The following CRYBG1 variants were observed in gnomAD, a reference collection of about 807,000 sequenced individuals.
CRYBG1 encodes beta/gamma crystallin domain-containing protein 1.
Under a neutral mutation model 189.2 loss-of-function variants are expected in CRYBG1, and 139 were observed. The observed-to-expected ratio is 0.73, with a 90% CI of 0.64 to 0.85. The LOEUF (loss-of-function observed/expected upper bound fraction) is 0.85, where lower values mean the gene tolerates loss of function less well. Ranked by LOEUF, CRYBG1 falls within the 40% of genes least tolerant of loss-of-function variation. CRYBG1 has a pLI of 0.00. For missense variants in CRYBG1, 2,611 were observed against 2,675.8 expected (o/e 0.98, Z 0.53); for synonymous variants, 1,023 against 1,017.1 (o/e 1.01, Z -0.11).
intron 1 of CRYBG1, among the ~76,000 whole-genome samples, chr6:106,422,752 G>A (rs1486469954): frequency 6.6e-6 from 1 of 152,216 alleles, no homozygotes; most frequent in East Asian, 1.9e-4. Flanking sequence ...TTTGGGGGAT[G>A]TTGAAAGATG....
chr6:106,381,807 G>A (rs1281969002), intron 1 of CRYBG1, among the ~76,000 whole-genome samples: 1 of 152,204 alleles, frequency 6.6e-6, no homozygotes, highest in Non-Finnish European at 1.5e-5. Flanking sequence ...GTGTGCTCCT[G>A]CTAGCCAGAA....
In CRYBG1 at chr6:106,512,514, A is replaced by C. The variant is rs771126437; in HGVS notation, c.1397A>C (p.Lys466Thr). ...AGCGATAACGCCTCGGCGGAAAAGA[A>C]AGTGAAATCTCCGCGGGCAGCCCTC... ...AASDNASAEK[K>T]VKSPRAALDG... Residue 466 changes from lysine (K) to threonine (T), a missense_variant, in exon 3 of 22, where the codon AAA becomes ACA. Coordinates refer to ENST00000633556, the MANE Select transcript of CRYBG1 (RefSeq NM_001371242.2). The C allele has an allele frequency of 3.1e-6, 5 of 1,610,818 alleles. No homozygotes were observed. The East Asian group carries it at 1.1e-4, about 36-fold the overall frequency.
In CRYBG1 at chr6:106,377,621, T is replaced by TTATATATATATA. The variant is rs373644273; in HGVS notation, c.173+16556_173+16567dup. ...TGTGTAACTCATAAGTCCTAAGGTT[T>TTATATATATATA]TATATATATATATATATATATATAT... On this transcript the variant is annotated intron_variant, in intron 1 of 21. Coordinates refer to ENST00000633556, the MANE Select transcript of CRYBG1 (RefSeq NM_001371242.2). Among the ~76,000 whole-genome samples the TTATATATATATA allele has an allele frequency of 1.1e-3, 78 of 69,494 alleles. 4 individuals carry two copies. Among genetic ancestry groups the TTATATATATATA allele is most frequent in the East Asian group, 7.0e-3 (18 of 2,586 alleles). 45.6% of individuals were successfully genotyped at this position (69,494 alleles called of 152,430 possible).
chr6:106,424,365 T>C (rs1771188042), intron 1 of CRYBG1, among the ~76,000 whole-genome samples: 1 of 152,230 alleles, frequency 6.6e-6, no homozygotes, highest in African/African-American at 2.4e-5. Flanking sequence ...AAGACCATTT[T>C]ACTTACATGA....
intron 2 of CRYBG1, among the ~76,000 whole-genome samples, chr6:106,497,638 G>C (rs962421128): frequency 6.6e-6 from 1 of 152,266 alleles, no homozygotes; most frequent in Admixed American, 6.5e-5. Flanking sequence ...AGAAGAGAAA[G>C]AGCACAAACA....
At chr6:106,416,396 G>A (rs554890328) in intron 1 of CRYBG1, among the ~76,000 whole-genome samples, 78 of 152,320 alleles carry the variant, frequency 5.1e-4, no homozygotes, top group Non-Finnish European at 9.8e-4. Flanking sequence ...CCCTATCGGA[G>A]ACGGGAGACA....
At chr6:106,434,975 T>A (rs58558950) in intron 1 of CRYBG1, among the ~76,000 whole-genome samples, 5,032 of 152,196 alleles carry the variant, frequency 0.033, 274 homozygotes, top group African/African-American at 0.12. Context: ...AAATGAAGAG[T>A]TACAGATCAC....
rs1173838509 is a variant in CRYBG1, at chr6:106,527,322, A to T, written c.4430A>T (p.Gln1477Leu). The change falls in exon 7 of 22, where the codon CAA becomes CTA. Residue 1477 changes from glutamine to leucine, a missense_variant. By Grantham distance (113) the Gln-to-Leu change is moderately radical. Transcript: ENST00000633556. ...ATTGTTAGTTGGATTTTGTATGAGC[A>T]ACCAAATTTTGAAGGGCACTCCATC... ...VVRGCWILYE[Q>L]PNFEGHSIPL... The T allele has an allele frequency of 1.2e-6, 2 of 1,611,628 alleles. No homozygotes were observed. The highest frequency in any genetic ancestry group is 4.5e-5 in the East Asian group (2 of 44,792).
intron 2 of CRYBG1, among the ~76,000 whole-genome samples, chr6:106,494,020 C>A (rs1215469402): frequency 6.6e-6 from 1 of 152,026 alleles, no homozygotes; most frequent in Non-Finnish European, 1.5e-5. Context: ...TATTATTCAG[C>A]CATAAAAAGA....
At position 106,521,467 on chromosome 6, in the gene CRYBG1, T is replaced by G; in HGVS notation, c.4245+14T>G. 2 of 1,542,916 alleles carry G rather than the reference T, an allele frequency of 1.3e-6. No individual in the cohort carries two copies. The highest frequency in any genetic ancestry group is 1.7e-6 in the Non-Finnish European group (2 of 1,148,966). ...TCAGACACAATGGTAAGTAGCAATGTGTTATTATTTATTTGGGGTATTTTT... is the reference window on the plus strand; with the variant it reads ...TCAGACACAATGGTAAGTAGCAATGGGTTATTATTTATTTGGGGTATTTTT... On this transcript the variant is annotated intron_variant, in intron 4 of 21. Transcript: ENST00000633556.
intron 1 of CRYBG1, among the ~76,000 whole-genome samples, chr6:106,416,896 C>G (rs1771031159): frequency 6.7e-6 from 1 of 150,162 alleles, no homozygotes; most frequent in Non-Finnish European, 1.5e-5. Flanking sequence ...CTAGGTGTGA[C>G]ATTATGGGGA....
At chr6:106,547,936 GT>G (rs1337125909) in intron 13 of CRYBG1, among the ~76,000 whole-genome samples, 1 of 152,208 alleles carries the variant, frequency 6.6e-6, no homozygotes, top group Non-Finnish European at 1.5e-5. Flanking sequence ...AACTGGGCTA[GT>G]TTTTTAAAAC....
At chr6:106,400,944 G>A (rs1770709002) in intron 1 of CRYBG1, among the ~76,000 whole-genome samples, 1 of 152,200 alleles carries the variant, frequency 6.6e-6, no homozygotes, top group Non-Finnish European at 1.5e-5. Context: ...AGCAATGAAA[G>A]TGCACGGGCT....
intron 1 of CRYBG1, among the ~76,000 whole-genome samples, chr6:106,432,840 CTT>C (rs5878888): frequency 4.7e-5 from 6 of 128,864 alleles, no homozygotes; most frequent in Admixed American, 1.6e-4. Flanking sequence ...TCTTTTCTTT[CTT>C]TTTTTTTTTT....
At chr6:106,482,593 G>T (rs548820920) in intron 2 of CRYBG1, among the ~76,000 whole-genome samples, 1 of 152,136 alleles carries the variant, frequency 6.6e-6, no homozygotes, top group South Asian at 2.1e-4. Context: ...GGCTAACACC[G>T]TGAAACCCCG....
chr6:106,553,591 G>A, intron 16 of CRYBG1, 24 bp downstream of exon 16: 1 of 1,439,648 alleles, frequency 6.9e-7, no homozygotes, highest in Non-Finnish European at 9.8e-7. Flanking sequence ...AGGCCTGGCA[G>A]AGCTGAATCA....
intron 1 of CRYBG1, among the ~76,000 whole-genome samples, chr6:106,390,180 G>T (rs1014657201): frequency 2.6e-5 from 4 of 152,066 alleles, no homozygotes; most frequent in African/African-American, 9.7e-5. Context: ...TTTATAAAAT[G>T]GAGCTGTAAA....
rs200800238 is a variant in CRYBG1, at chr6:106,527,456, A to G, written c.4564A>G (p.Arg1522Gly). Residue 1522 changes from arginine to glycine, a missense_variant, in exon 7 of 22, where the codon AGA becomes GGA. By Grantham distance (125) the Arg-to-Gly change is moderately radical. Around this residue, in one of 3 missense-constraint regions of CRYBG1, gnomAD observed 1,622 missense variants for 1,735.0 expected, o/e 0.93. Transcript: ENST00000633556. ...TAAGCCAGTGGTGATTGGTTCCATCAGACATGTGGTTCAGGTAGGTTGTGG... is the reference window on the plus strand; with the variant it reads ...TAAGCCAGTGGTGATTGGTTCCATCGGACATGTGGTTCAGGTAGGTTGTGG... ...SDKPVVIGSI[R>G]HVVQDYRVSH... 6.2e-7 allele frequency: 1 copy of G among 1,611,198 alleles called. No individual in the cohort carries two copies. Among genetic ancestry groups the G allele is most frequent in the East Asian group, 2.2e-5 (1 of 44,750 alleles).
chr6:106,493,377 T>C (rs1005277389), intron 2 of CRYBG1, among the ~76,000 whole-genome samples: 1 of 152,180 alleles, frequency 6.6e-6, no homozygotes, highest in African/African-American at 2.4e-5. Context: ...ACTGGAACTC[T>C]TATGCACTGT....
Sources: gnomAD v4.1 joint callset for allele counts (sites outside exome capture counted in the v4.1 genomes callset) on GRCh38, gnomAD v4.1.1 for gene constraint, gnomAD v4.1.1 regional missense constraint, MANE v1.5 for transcripts, NCBI Gene and HGNC (gene_info 2026-07-23, HGNC 2026-07-21) for gene names.